KIAA1217: variants seen among roughly 807,000 people sequenced by gnomAD.
KIAA1217 encodes KIAA1217.
Under a neutral mutation model 163.9 loss-of-function variants are expected in KIAA1217, and 88 were observed. The observed-to-expected ratio is 0.54, with a 90% CI of 0.45 to 0.64. The LOEUF (loss-of-function observed/expected upper bound fraction) is 0.64. KIAA1217 is among the 30% of genes least tolerant of loss of function. The pLI is 0.00. For missense variants in KIAA1217, 2,372 were observed against 2,475.0 expected (o/e 0.96, Z 0.88); for synonymous variants, 903 against 923.1 (o/e 0.98, Z 0.39).
chr10:24,504,591 A>G (rs1413661394), intron 9 of KIAA1217, among the ~76,000 whole-genome samples: 5 of 152,230 alleles, frequency 3.3e-5, no homozygotes, highest in South Asian at 2.1e-4. Flanking sequence ...TAATGGAGCT[A>G]TCATTAGAGA....
chr10:24,445,831 C>T (rs1288331717), intron 5 of KIAA1217, among the ~76,000 whole-genome samples: 1 of 152,084 alleles, frequency 6.6e-6, no homozygotes, highest in Admixed American at 6.6e-5. Context: ...AATAGTGCCG[C>T]AATAAACATA....
chr10:24,478,333 T>C (rs1564759656), intron 6 of KIAA1217, among the ~76,000 whole-genome samples: 1 of 152,254 alleles, frequency 6.6e-6, no homozygotes, highest in African/African-American at 2.4e-5. Context: ...TTCAGTCTTA[T>C]ATTTAGTCAC....
rs895974564 is a variant in KIAA1217, at chr10:23,841,721, C to A, written c.-321+146487C>A. 4.7e-4 allele frequency among the ~76,000 whole-genome samples: 72 copies of A among 152,062 alleles called. 1 individual carries two copies. Among genetic ancestry groups the A allele is most frequent in the South Asian group, 6.2e-4 (3 of 4,820 alleles). On this transcript the variant is annotated intron_variant, in intron 1 of 18. Coordinates refer to the KIAA1217 transcript ENST00000376462. Reference sequence around the variant, plus strand: ...GAAAAGCAGCTTAAATTGATTTAAACTTAATGGGTAATTTATTATTATAAT... The same window carrying A: ...GAAAAGCAGCTTAAATTGATTTAAAATTAATGGGTAATTTATTATTATAAT...
intron 1 of KIAA1217, among the ~76,000 whole-genome samples, chr10:23,704,676 G>C (rs1265557761): frequency 2.6e-5 from 4 of 152,014 alleles, no homozygotes; most frequent in Non-Finnish European, 5.9e-5. Context: ...TCATTGTATG[G>C]ATATACCACA....
intron 2 of KIAA1217, among the ~76,000 whole-genome samples, chr10:24,359,999 C>T (rs1458746643): frequency 6.6e-6 from 1 of 150,620 alleles, no homozygotes; most frequent in Non-Finnish European, 1.5e-5. Context: ...TACTTTGCTC[C>T]CCCAGTTACT....
At chr10:23,948,314 G>A (rs908933488) in intron 1 of KIAA1217, among the ~76,000 whole-genome samples, 2 of 152,168 alleles carry the variant, frequency 1.3e-5, no homozygotes, top group Non-Finnish European at 2.9e-5. Flanking sequence ...AGTTAGAGCA[G>A]TACCTGACAA....
At chr10:24,511,152 C>CAAAAAAAGAAA (rs2069088575) in intron 9 of KIAA1217, among the ~76,000 whole-genome samples, 1 of 34,512 alleles carries the variant, frequency 2.9e-5, no homozygotes, top group South Asian at 1.6e-3. Context: ...GACTCTGTCT[C>CAAAAAAAGAAA]AAAAAAAAAA....
rs567848773 is a variant in KIAA1217 at position 24,531,531 on chromosome 10, C to T, written c.3083-299C>T. ...TAGGTAATACTTTACATAGCATTTACACTATGCCAAGCTCAGCGTATAAGT... is the reference window on the plus strand; with the variant it reads ...TAGGTAATACTTTACATAGCATTTATACTATGCCAAGCTCAGCGTATAAGT... On this transcript the variant is annotated intron_variant, in intron 14 of 20. Coordinates refer to ENST00000376454, the MANE Select transcript of KIAA1217 (RefSeq NM_019590.5). Among the ~76,000 whole-genome samples the T allele has an allele frequency of 4.2e-4, 64 of 152,028 alleles. 1 individual carries two copies. In the Middle Eastern group the frequency reaches 0.01, roughly 24 times the overall value.
intron 2 of KIAA1217, among the ~76,000 whole-genome samples, chr10:24,181,376 G>T (rs952215015): frequency 6.6e-6 from 1 of 152,182 alleles, no homozygotes; most frequent in Non-Finnish European, 1.5e-5. Flanking sequence ...CTGTAGAAAG[G>T]CTCTGAGGTG....
chr10:24,333,002 C>A (rs2045885328), intron 2 of KIAA1217, among the ~76,000 whole-genome samples: 1 of 151,978 alleles, frequency 6.6e-6, no homozygotes, highest in African/African-American at 2.4e-5. Context: ...AAGGGCAGGG[C>A]AGAGTATGTA....
intron 3 of KIAA1217, among the ~76,000 whole-genome samples, chr10:24,397,271 A>T (rs1199834579): frequency 6.6e-6 from 1 of 151,880 alleles, no homozygotes; most frequent in Non-Finnish European, 1.5e-5. Context: ...TGTATTTTTA[A>T]TAGAGACAGG....
chr10:23,874,143 C>T (rs556639555), intron 1 of KIAA1217, among the ~76,000 whole-genome samples: 2 of 152,122 alleles, frequency 1.3e-5, no homozygotes, highest in Non-Finnish European at 2.9e-5. Context: ...TTTATCCTGA[C>T]ATTCACCCCT....
At chr10:24,342,936 C>T (rs533163211) in intron 2 of KIAA1217, among the ~76,000 whole-genome samples, 3 of 152,204 alleles carry the variant, frequency 2.0e-5, no homozygotes, top group Non-Finnish European at 2.9e-5. Flanking sequence ...GGATTACAGG[C>T]GTGAGCCACT....
At chr10:24,301,806 A>T (rs1230169219) in intron 2 of KIAA1217, among the ~76,000 whole-genome samples, 2 of 152,130 alleles carry the variant, frequency 1.3e-5, no homozygotes, top group Non-Finnish European at 2.9e-5. Flanking sequence ...GCACTTTGGG[A>T]GGCTGAGGCA....
chr10:24,141,569 G>A (rs1216442188), intron 2 of KIAA1217, among the ~76,000 whole-genome samples: 1 of 152,134 alleles, frequency 6.6e-6, no homozygotes, highest in East Asian at 1.9e-4. Context: ...CCCCTAAATT[G>A]TGTGTGCTTT....
In KIAA1217 at chr10:23,777,954, C is replaced by CTTTTTTTTTTTTT. The variant is rs1322813122; in HGVS notation, c.-321+82726_-321+82727insTTTTTTTTTTTTT. 4.9e-3 allele frequency among the ~76,000 whole-genome samples: 736 copies of CTTTTTTTTTTTTT among 151,572 alleles called. 15 individuals are homozygous for CTTTTTTTTTTTTT. The highest frequency in any genetic ancestry group is 0.017 in the African/African-American group (687 of 41,148). On this transcript the variant is annotated intron_variant, in intron 1 of 18. Coordinates refer to the KIAA1217 transcript ENST00000376462. ...GGAAATTTTTTCTTTTTTTCTTTTT[C>CTTTTTTTTTTTTT]TTTTTTGAGATAGAGTCTCACTCTG...
At chr10:24,504,409 G>T (rs1159942574) in intron 9 of KIAA1217, among the ~76,000 whole-genome samples, 1 of 152,104 alleles carries the variant, frequency 6.6e-6, no homozygotes, top group East Asian at 1.9e-4. Flanking sequence ...GTATTCCCTG[G>T]GTCCCATTCA....
chr10:24,363,310 ACT>A (rs1591326018), intron 2 of KIAA1217, among the ~76,000 whole-genome samples: 4 of 152,216 alleles, frequency 2.6e-5, no homozygotes, highest in African/African-American at 9.6e-5. Flanking sequence ...TAGGAAAGAA[ACT>A]CTGAACCCCT....
chr10:23,865,489 C>T (rs141859399), intron 1 of KIAA1217, among the ~76,000 whole-genome samples: 6 of 152,180 alleles, frequency 3.9e-5, no homozygotes, highest in African/African-American at 1.4e-4. Context: ...CAATATTTCA[C>T]GTCATTTGCA....
Sources: gnomAD v4.1 joint callset for allele counts (sites outside exome capture counted in the v4.1 genomes callset) on GRCh38, gnomAD v4.1.1 for gene constraint, MANE v1.5 for transcripts, NCBI Gene and HGNC (gene_info 2026-07-23, HGNC 2026-07-21) for gene names.